The following TRIM37 variants were observed in gnomAD, a reference collection of about 807,000 sequenced individuals.
TRIM37 encodes tripartite motif containing 37.
Under a neutral mutation model 129.8 loss-of-function variants are expected in TRIM37, and 80 were observed. That is an observed-to-expected ratio of 0.62 (90% CI 0.51 to 0.74). The LOEUF (loss-of-function observed/expected upper bound fraction) is 0.74. Among genes scored for constraint, TRIM37 ranks in the 30% least tolerant of loss-of-function variants. The probability of loss-of-function intolerance (pLI) is 0.00; values close to 1 mark genes in which losing one functional copy is unlikely to be tolerated. For synonymous variants in TRIM37, 389 were observed against 387.1 expected (o/e 1.00, Z -0.06); for missense variants, 1,054 against 1,176.5 (o/e 0.90, Z 1.52).
chr17:59,070,339 T>G (rs563404995), intron 9 of TRIM37, among the ~76,000 whole-genome samples: 1 of 152,304 alleles, frequency 6.6e-6, no homozygotes, highest in Non-Finnish European at 1.5e-5. Context: ...TTTCATCAGT[T>G]TCTGAGTTTT....
At chr17:59,085,689 T>A (rs1238393834) in intron 4 of TRIM37, among the ~76,000 whole-genome samples, 1 of 152,156 alleles carries the variant, frequency 6.6e-6, no homozygotes, top group African/African-American at 2.4e-5. Context: ...GCAATTCTAC[T>A]TCTGATTACA....
At chr17:59,044,644 A>G (rs1599120465) in intron 16 of TRIM37, among the ~76,000 whole-genome samples, 1 of 152,248 alleles carries the variant, frequency 6.6e-6, no homozygotes, top group South Asian at 2.1e-4. Flanking sequence ...ACAATAGAGT[A>G]TAACAACTAC....
chr17:59,075,635 A>G lies in TRIM37; in HGVS notation c.684+12T>C. The G allele has an allele frequency of 2.5e-6, 4 of 1,582,000 alleles. No homozygotes were observed. The South Asian group carries it at 4.4e-5, about 17-fold the overall frequency. The stretch of plus-strand genomic sequence containing the variant: ...GATAAAGACTATTTCATTACATTTA[A>G]TATTTCATCACCTGGTGCTCCACCT... On this transcript the variant is annotated intron_variant, in intron 8 of 23. Transcript: ENST00000262294.
rs1274882086 is a variant in TRIM37 at position 59,028,485 on chromosome 17, A to G, written c.2187T>C (p.Ser729=). ...CCATTCCCAAATCCTGCAATCTGCC[A>G]GAGTTTTCAGTTCCACATGCAGCCA... The part of the protein sequence containing the change: ...AALAACGTEN[S]GRLQDLGMEL... Residue 729 remains serine (S), a synonymous_variant, in exon 19 of 24, where the codon TCT becomes TCC. Transcript: ENST00000262294. 1 of 1,614,092 alleles carries G rather than the reference A, an allele frequency of 6.2e-7. No individual in the cohort carries two copies. The highest frequency in any genetic ancestry group is 8.5e-7 in the Non-Finnish European group (1 of 1,180,054).
At chr17:59,009,203 T>C (rs1262921847) in intron 22 of TRIM37, among the ~76,000 whole-genome samples, 2 of 152,024 alleles carry the variant, frequency 1.3e-5, no homozygotes, top group South Asian at 2.1e-4. Context: ...TCTCAGCTCA[T>C]TGCAACCTCT....
chr17:59,088,484 T>C (rs1169324627), intron 3 of TRIM37, 77 bp from the exon 4 acceptor site: 7 of 932,998 alleles, frequency 7.5e-6, no homozygotes, highest in Non-Finnish European at 1.2e-5. Flanking sequence ...TTTCTCAAAA[T>C]AGAGAGCACA....
intron 17 of TRIM37, among the ~76,000 whole-genome samples, chr17:59,036,445 G>GA (rs2038492485): frequency 8.5e-6 from 1 of 117,542 alleles, no homozygotes; most frequent in Non-Finnish European, 1.8e-5. Flanking sequence ...GTATTTGCTG[G>GA]GGGTGTGTGT....
chr17:58,967,873 G>A, the TRIM37 span, among the ~76,000 whole-genome samples: 8 of 150,728 alleles, frequency 5.3e-5, no homozygotes, highest in East Asian at 7.8e-4. Context: ...GCGCGATCTC[G>A]ACTCACTGCA....
rs755209541 is a variant in TRIM37, at chr17:59,069,753, T to C, written c.809+1070A>G. Among the ~76,000 whole-genome samples, 29 of 152,136 alleles carry C rather than the reference T, an allele frequency of 1.9e-4. 1 individual carries two copies. The highest frequency in any genetic ancestry group is 3.8e-4 in the East Asian group (2 of 5,202). On this transcript the variant is annotated intron_variant, in intron 9 of 23. Coordinates refer to ENST00000262294, the MANE Select transcript of TRIM37 (RefSeq NM_015294.6). ...GTGACTGTATCTATAGCCAGGGCCT[T>C]TAGGAAGATAATTAAGGCTAAATGA... is the stretch of plus-strand genomic sequence containing the variant.
chr17:58,973,001 A>AATGAGCTAGAAGAGG, the TRIM37 span: 1 of 932,422 alleles, frequency 1.1e-6, no homozygotes, highest in Non-Finnish European at 1.7e-6. Flanking sequence ...TGATACAGGG[A>AATGAGCTAGAAGAGG]ACCTGAGATG....
At chr17:59,023,371 C>A (rs1301049441) in intron 19 of TRIM37, among the ~76,000 whole-genome samples, 1 of 152,164 alleles carries the variant, frequency 6.6e-6, no homozygotes, top group Non-Finnish European at 1.5e-5. Flanking sequence ...AGCCATTGCA[C>A]ACAGCTTTTT....
rs573000874 is a variant in TRIM37 at position 59,030,984 on chromosome 17, G to A, written c.1948+912C>T. ...CTTGGCGCACACATAAAAGGCAACT[G>A]TTTCATAACCTGAAGATAGTCTTTT... On this transcript the variant is annotated intron_variant, in intron 18 of 23. Coordinates refer to ENST00000262294, the MANE Select transcript of TRIM37 (RefSeq NM_015294.6). 4.6e-5 allele frequency among the ~76,000 whole-genome samples: 7 copies of A among 152,274 alleles called. No individual in the cohort carries two copies. In the South Asian group the frequency reaches 1.2e-3, roughly 27 times the overall value.
intron 2 of TRIM37, among the ~76,000 whole-genome samples, chr17:59,093,889 A>G (rs1266446680): frequency 1.3e-5 from 2 of 151,960 alleles, no homozygotes; most frequent in South Asian, 2.1e-4. Flanking sequence ...GTATTCCACA[A>G]TCTAATTTAT....
At chr17:59,038,642 T>C (rs1232888114) in intron 17 of TRIM37, among the ~76,000 whole-genome samples, 1 of 152,130 alleles carries the variant, frequency 6.6e-6, no homozygotes, top group South Asian at 2.1e-4. Flanking sequence ...TAAGTGTATA[T>C]AAATGTTATA....
chr17:59,078,125 A>AAAT (rs900907666), intron 7 of TRIM37, among the ~76,000 whole-genome samples: 76 of 151,630 alleles, frequency 5.0e-4, no homozygotes, highest in East Asian at 1.2e-3. Flanking sequence ...ACTCCATCTC[A>AAAT]AATAATAATA....
At chr17:59,089,406 G>T (rs1281152530) in intron 3 of TRIM37, among the ~76,000 whole-genome samples, 1 of 152,162 alleles carries the variant, frequency 6.6e-6, no homozygotes, top group Non-Finnish European at 1.5e-5. Flanking sequence ...AGTTTGGGAG[G>T]CCACAGCGGG....
In TRIM37 at chr17:59,042,437, AAAAAAAAAAAAAAT is replaced by A. The variant is rs1568065189; in HGVS notation, c.1668-553_1668-540del. Among the ~76,000 whole-genome samples the A allele has an allele frequency of 1.3e-3, 93 of 74,248 alleles. 1 individual carries two copies. The highest frequency in any genetic ancestry group is 1.6e-3 in the African/African-American group (23 of 14,178). 48.7% of individuals were successfully genotyped at this position (74,248 alleles called of 152,430 possible). A position where few individuals can be genotyped will look rare whatever the true frequency, so the allele number is the denominator to read the frequency against. ...GCTAAGAAAAAAAGGAATTTAAAAAAAAAAAAAAAAAAATATATATATATATATATATATATATC... is the reference window on the plus strand; with the variant it reads ...GCTAAGAAAAAAAGGAATTTAAAAAAATATATATATATATATATATATATC... On this transcript the variant is annotated intron_variant, in intron 16 of 23. Transcript: ENST00000262294.
intron 13 of TRIM37, among the ~76,000 whole-genome samples, chr17:59,053,671 T>C (rs1477602093): frequency 6.6e-6 from 1 of 152,190 alleles, no homozygotes; most frequent in Non-Finnish European, 1.5e-5. Flanking sequence ...GTTGGTAAAA[T>C]TGATGTTTGA....
chr17:58,969,641 G>C, the TRIM37 span: 1 of 1,614,044 alleles, frequency 6.2e-7, no homozygotes, highest in Admixed American at 1.7e-5. Flanking sequence ...AGTCCGCCAG[G>C]AGATGTTCCC....
Sources: gnomAD v4.1 joint callset for allele counts (sites outside exome capture counted in the v4.1 genomes callset) on GRCh38, gnomAD v4.1.1 for gene constraint, MANE v1.5 for transcripts, NCBI Gene and HGNC (gene_info 2026-07-23, HGNC 2026-07-21) for gene names.